FBN2: variants seen among roughly 807,000 people sequenced by gnomAD.
The protein encoded by FBN2 is fibrillin 2.
FBN2 carries 105 observed loss-of-function variants against 355.6 expected under a neutral mutation model. The ratio of observed to expected loss-of-function variants is 0.30; its 90% CI spans 0.25 to 0.35. The LOEUF is 0.35. FBN2 is among the 10% of genes least tolerant of loss of function. The pLI is 1.00. For synonymous variants in FBN2, 1,350 were observed against 1,301.2 expected, an observed-to-expected ratio of 1.04 and a Z score of -0.81; for missense variants, 3,280 against 3,758.7, an observed-to-expected ratio of 0.87 and a Z score of 3.33.
chr5:128,406,374 C>A (rs892441928), intron 8 of FBN2, among the ~76,000 whole-genome samples: 5 of 152,194 alleles, frequency 3.3e-5, no homozygotes, highest in Non-Finnish European at 7.3e-5. Context: ...TCTTCATTCA[C>A]AATTTCATGG....
intron 7 of FBN2, among the ~76,000 whole-genome samples, chr5:128,435,475 T>G (rs1331255215): frequency 1.3e-5 from 2 of 152,216 alleles, no homozygotes; most frequent in African/African-American, 4.8e-5. Context: ...TCCTTGTCTT[T>G]AACAAGGACC....
At chr5:128,434,422 A>ATATATATATATATATATATG (rs1561455185) in intron 7 of FBN2, among the ~76,000 whole-genome samples, 6 of 132,688 alleles carry the variant, frequency 4.5e-5, no homozygotes, top group African/African-American at 1.6e-4. Flanking sequence ...ATATATATAT[A>ATATATATATATATATATATG]TATGGGCAGT....
chr5:128,307,304 A>G (rs1749909770), intron 41 of FBN2, 101 bp from the exon 42 acceptor site: 1 of 775,886 alleles, frequency 1.3e-6, no homozygotes, highest in African/African-American at 1.7e-5. Context: ...TACATTATTC[A>G]CAACCAGACA....
intron 7 of FBN2, among the ~76,000 whole-genome samples, chr5:128,441,410 A>G (rs1041775877): frequency 2.0e-5 from 3 of 152,200 alleles, no homozygotes; most frequent in Non-Finnish European, 2.9e-5. Context: ...TTTGGAGTCA[A>G]TCTAGCACAC....
At chr5:128,519,414 A>C in intron 4 of FBN2, 46 bp from the exon 5 acceptor site, 1 of 1,399,080 alleles carries the variant, frequency 7.1e-7, no homozygotes, top group Non-Finnish European at 1.0e-6. Flanking sequence ...CCAGTCTCCA[A>C]GCACAATATA....
intron 2 of FBN2, among the ~76,000 whole-genome samples, chr5:128,531,883 T>A (rs928622590): frequency 6.6e-6 from 1 of 152,028 alleles, no homozygotes; most frequent in Admixed American, 6.6e-5. Context: ...GAAAAAAAAA[T>A]TGCATAATCC....
At chr5:128,356,183 C>T (rs1751498248) in intron 20 of FBN2, among the ~76,000 whole-genome samples, 1 of 152,142 alleles carries the variant, frequency 6.6e-6, no homozygotes, top group African/African-American at 2.4e-5. Context: ...AGTAATGCCC[C>T]AGGCAGATGG....
chr5:128,409,836 A>C lies in FBN2; in HGVS notation c.953-1037T>G, dbSNP rs192518254. On this transcript the variant is annotated intron_variant, in intron 7 of 64. Coordinates refer to ENST00000262464, the MANE Select transcript of FBN2 (RefSeq NM_001999.4). The stretch of plus-strand genomic sequence containing the variant: ...CTTTTAAAATGTCCAATAAAAAAGG[A>C]AAAATAATTATATTCCTATTATAAA... Among the ~76,000 whole-genome samples, 154 of 152,294 alleles carry C rather than the reference A, an allele frequency of 1.0e-3. 1 individual carries two copies. The highest frequency in any genetic ancestry group is 2.1e-3 in the Admixed American group (32 of 15,304).
chr5:128,259,620 C>G lies in FBN2; in HGVS notation c.8574G>C (p.Thr2858=). 6.2e-7 allele frequency: 1 copy of G among 1,613,974 alleles called. No individual in the cohort carries two copies. The highest frequency in any genetic ancestry group is 1.6e-4 in the Middle Eastern group (1 of 6,062). The change falls in exon 65 of 65, where the codon ACG becomes ACC. Residue 2858 remains threonine, a synonymous_variant. Coordinates refer to ENST00000262464, the MANE Select transcript of FBN2 (RefSeq NM_001999.4). ...HQRNGLSYLH[T]AKKKLMPGTY... ...TGCCGGGCATGAGCTTCTTCTTGGC[C>G]GTGTGCAAGTAGCTGAGCCCATTCC...
At chr5:128,370,311 T>A (rs1294274567) in intron 15 of FBN2, among the ~76,000 whole-genome samples, 1 of 152,208 alleles carries the variant, frequency 6.6e-6, no homozygotes. Flanking sequence ...TAACCTCTAT[T>A]ATAAATATCT....
intron 6 of FBN2, among the ~76,000 whole-genome samples, chr5:128,451,933 T>C (rs547181466): frequency 6.6e-6 from 1 of 152,158 alleles, no homozygotes; most frequent in South Asian, 2.1e-4. Flanking sequence ...TCATAGGATT[T>C]ATTCTGTAAC....
At chr5:128,524,730 C>A (rs1281178414) in intron 4 of FBN2, among the ~76,000 whole-genome samples, 1 of 152,132 alleles carries the variant, frequency 6.6e-6, no homozygotes, top group African/African-American at 2.4e-5. Flanking sequence ...AGCTGGTAAT[C>A]TATTAGTTAT....
At chr5:128,455,720 C>T (rs906178250) in intron 6 of FBN2, among the ~76,000 whole-genome samples, 3 of 151,816 alleles carry the variant, frequency 2.0e-5, no homozygotes, top group African/African-American at 4.8e-5. Context: ...ACCCCCTCCC[C>T]GCAGCTAAGG....
At chr5:128,492,037 ATACC>A (rs1216209973) in intron 5 of FBN2, among the ~76,000 whole-genome samples, 1 of 152,184 alleles carries the variant, frequency 6.6e-6, no homozygotes, top group African/African-American at 2.4e-5. Flanking sequence ...ATTGAGATTC[ATACC>A]TAAATGAGGG....
At chr5:128,314,325 A>C (rs1750142446) in intron 36 of FBN2, among the ~76,000 whole-genome samples, 1 of 151,878 alleles carries the variant, frequency 6.6e-6, no homozygotes, top group Non-Finnish European at 1.5e-5. Flanking sequence ...ATTTATATTT[A>C]TTTGTTTATT....
chr5:128,390,030 G>A (rs954328386), intron 11 of FBN2, among the ~76,000 whole-genome samples: 2 of 151,892 alleles, frequency 1.3e-5, no homozygotes, highest in African/African-American at 4.8e-5. Flanking sequence ...AACTCCATGC[G>A]GAAATCCCTT....
At chr5:128,288,929 G>A (rs908059752) in intron 52 of FBN2, among the ~76,000 whole-genome samples, 198 bp downstream of exon 52, 1 of 152,214 alleles carries the variant, frequency 6.6e-6, no homozygotes, top group African/African-American at 2.4e-5. Context: ...GTTGAAGACA[G>A]AGGTTGTTAA....
intron 6 of FBN2, among the ~76,000 whole-genome samples, chr5:128,451,544 G>A (rs897154149): frequency 1.3e-5 from 2 of 152,090 alleles, no homozygotes; most frequent in African/African-American, 4.8e-5. Flanking sequence ...GGGATTACAG[G>A]CATGAGACAC....
chr5:128,429,334 C>T (rs1753561393), intron 7 of FBN2, among the ~76,000 whole-genome samples: 1 of 152,128 alleles, frequency 6.6e-6, no homozygotes, highest in African/African-American at 2.4e-5. Flanking sequence ...TCCCTCCTCC[C>T]ACTCCTACTG....
Sources: gnomAD v4.1 joint callset for allele counts (sites outside exome capture counted in the v4.1 genomes callset) on GRCh38, gnomAD v4.1.1 for gene constraint, MANE v1.5 for transcripts, NCBI Gene and HGNC (gene_info 2026-07-23, HGNC 2026-07-21) for gene names.